The following RBFOX1 variants were observed in gnomAD, a reference collection of about 807,000 sequenced individuals.
The protein encoded by RBFOX1 is RNA binding protein fox-1 homolog 1.
Under a neutral mutation model 57.7 loss-of-function variants are expected in RBFOX1, and 8 were observed. The ratio of observed to expected loss-of-function variants is 0.14; its 90% confidence interval spans 0.08 to 0.25. RBFOX1 has a LOEUF of 0.25. RBFOX1 is among the 10% of genes least tolerant of loss of function. RBFOX1 has a pLI of 1.00. For synonymous variants in RBFOX1, 326 were observed against 222.4 expected (o/e 1.47, Z -4.15); for missense variants, 611 against 548.5 (o/e 1.11, Z -1.14).
chr16:7,232,473 C>T (rs916765179), intron 4 of RBFOX1, among the ~76,000 whole-genome samples: 5 of 152,138 alleles, frequency 3.3e-5, no homozygotes, highest in Non-Finnish European at 5.9e-5. Flanking sequence ...AAATAGCCTG[C>T]ATGCAAATAC....
At chr16:5,902,831 T>C (rs968462465) in intron 4 of RBFOX1, among the ~76,000 whole-genome samples, 2 of 152,096 alleles carry the variant, frequency 1.3e-5, no homozygotes, top group African/African-American at 4.8e-5. Flanking sequence ...AACACTGAAC[T>C]AAAAGTGTAT....
intron 4 of RBFOX1, among the ~76,000 whole-genome samples, chr16:7,270,274 C>G (rs2095285658): frequency 6.6e-6 from 1 of 152,182 alleles, no homozygotes; most frequent in African/African-American, 2.4e-5. Flanking sequence ...TGAAGTAATT[C>G]ACACTAACAT....
chr16:7,670,948 G>A (rs1388627572), intron 13 of RBFOX1, among the ~76,000 whole-genome samples: 1 of 152,160 alleles, frequency 6.6e-6, no homozygotes, highest in Non-Finnish European at 1.5e-5. Context: ...ATTTTGATAT[G>A]TATATTAACA....
At chr16:5,755,319 C>T (rs2053353934) in intron 3 of RBFOX1, among the ~76,000 whole-genome samples, 2 of 151,946 alleles carry the variant, frequency 1.3e-5, no homozygotes, top group Admixed American at 1.3e-4. Flanking sequence ...TCTACACAGA[C>T]ACAGTAACAA....
chr16:7,517,599 C>T (rs2076652783), intron 4 of RBFOX1, among the ~76,000 whole-genome samples: 1 of 151,882 alleles, frequency 6.6e-6, no homozygotes, highest in South Asian at 2.1e-4. Flanking sequence ...CACACAGACA[C>T]TGGGACCATT....
intron 2 of RBFOX1, among the ~76,000 whole-genome samples, chr16:6,525,718 G>T (rs571145376): frequency 9.9e-5 from 15 of 152,156 alleles, no homozygotes; most frequent in Admixed American, 7.2e-4. Context: ...GTGCTTTTAG[G>T]TGGTGGAAAG....
At chr16:6,493,500 T>A (rs939923946) in intron 2 of RBFOX1, among the ~76,000 whole-genome samples, 6 of 152,206 alleles carry the variant, frequency 3.9e-5, no homozygotes, top group Non-Finnish European at 7.3e-5. Context: ...TTATTTTTTT[T>A]ATTCATCTGT....
chr16:6,924,472 C>G (rs542165679), intron 3 of RBFOX1, among the ~76,000 whole-genome samples: 1 of 152,132 alleles, frequency 6.6e-6, no homozygotes, highest in South Asian at 2.1e-4. Context: ...CCAAGCCATT[C>G]TTGAGGAAGC....
At chr16:7,400,740 G>T (rs1485735106) in intron 4 of RBFOX1, among the ~76,000 whole-genome samples, 2 of 152,200 alleles carry the variant, frequency 1.3e-5, no homozygotes, top group African/African-American at 2.4e-5. Flanking sequence ...TGAACCATCA[G>T]TCTGCAGTAA....
intron 1 of RBFOX1, among the ~76,000 whole-genome samples, chr16:5,275,372 C>T (rs1433886470): frequency 6.6e-6 from 1 of 152,082 alleles, no homozygotes; most frequent in African/African-American, 2.4e-5. Flanking sequence ...AATCTATGTA[C>T]ACAAATCAGT....
chr16:6,162,119 T>C (rs1464602353), intron 1 of RBFOX1, among the ~76,000 whole-genome samples: 2 of 152,220 alleles, frequency 1.3e-5, no homozygotes, highest in East Asian at 3.8e-4. Flanking sequence ...TTCTGTATTT[T>C]TAATTGTTTG....
At chr16:6,074,569 T>C (rs1419840238) in intron 1 of RBFOX1, among the ~76,000 whole-genome samples, 1 of 152,146 alleles carries the variant, frequency 6.6e-6, no homozygotes, top group East Asian at 1.9e-4. Context: ...AGAGGGACTA[T>C]CGTGATAGGT....
intron 4 of RBFOX1, among the ~76,000 whole-genome samples, chr16:7,318,072 A>T (rs1420646239): frequency 1.3e-5 from 2 of 150,668 alleles, no homozygotes; most frequent in African/African-American, 4.9e-5. Context: ...TGACGGTGGT[A>T]GTAGTGGTGA....
chr16:7,273,215 T>C (rs183698205), intron 4 of RBFOX1, among the ~76,000 whole-genome samples: 2,670 of 105,290 alleles, frequency 0.025, 269 homozygotes, highest in African/African-American at 0.057. Context: ...CCTTCCTTCC[T>C]TCCTTCCTTC....
intron 3 of RBFOX1, among the ~76,000 whole-genome samples, chr16:5,679,326 T>TTC (rs1001211157): frequency 5.3e-5 from 8 of 150,516 alleles, no homozygotes; most frequent in African/African-American, 1.3e-4. Flanking sequence ...TGACCACCAA[T>TTC]TCTCTCTCTT....
intron 10 of RBFOX1, chr16:7,615,119 G>A (rs1264424286): frequency 6.6e-6 from 1 of 152,236 alleles, no homozygotes. Flanking sequence ...GGATCACGAG[G>A]TCAGGAGATT....
intron 1 of RBFOX1, among the ~76,000 whole-genome samples, chr16:5,318,785 A>T (rs771894995): frequency 1.2e-4 from 18 of 152,144 alleles, no homozygotes; most frequent in Non-Finnish European, 2.4e-4. Context: ...GGCTGACCTT[A>T]ACATAGGGAG....
Position 6,759,645 on chromosome 16 carries a change from A to G in RBFOX1, c.-16+104995A>G, listed in dbSNP as rs536887244. Among the ~76,000 whole-genome samples the G allele has an allele frequency of 1.4e-4, 21 of 152,216 alleles. No homozygotes were observed. The South Asian group carries it at 3.7e-3, about 27-fold the overall frequency. Reference sequence around the variant, plus strand: ...AGCATGTAGGGATTTATTTAGGTCTATTACTTGTTTTCACTTTCTCTTTGC... The same window carrying G: ...AGCATGTAGGGATTTATTTAGGTCTGTTACTTGTTTTCACTTTCTCTTTGC... On this transcript the variant is annotated intron_variant, in intron 3 of 15. Transcript: ENST00000550418.
rs574158608 is a variant in RBFOX1 at position 7,390,595 on chromosome 16, T to C, written c.28-127552T>C. Among the ~76,000 whole-genome samples, 18 of 152,368 alleles carry C rather than the reference T, an allele frequency of 1.2e-4. No individual in the cohort carries two copies. The East Asian group carries it at 3.3e-3, about 28-fold the overall frequency. Reference sequence around the variant, plus strand: ...GAGATTATGCAAGTATAAGGTGCTATATTTCGCATTAACACCTGAGCATAG... The same window carrying C: ...GAGATTATGCAAGTATAAGGTGCTACATTTCGCATTAACACCTGAGCATAG... On this transcript the variant is annotated intron_variant, in intron 4 of 15. Transcript: ENST00000550418.
Sources: gnomAD v4.1 joint callset for allele counts (sites outside exome capture counted in the v4.1 genomes callset) on GRCh38, gnomAD v4.1.1 for gene constraint, MANE v1.5 for transcripts, NCBI Gene and HGNC (gene_info 2026-07-23, HGNC 2026-07-21) for gene names.